Variants in FUT9 observed in about 807,000 individuals in gnomAD.
FUT9 encodes 4-galactosyl-N-acetylglucosaminide 3-alpha-L-fucosyltransferase 9.
A neutral mutation model predicts 29.7 loss-of-function variants in FUT9; 15 were observed. The ratio of observed to expected loss-of-function variants is 0.51; its 90% CI spans 0.34 to 0.78. The LOEUF (loss-of-function observed/expected upper bound fraction) is 0.78. Ranked by LOEUF, FUT9 falls within the 30% of genes least tolerant of loss-of-function variation. The probability of loss-of-function intolerance (pLI) is 0.01; values close to 1 mark genes in which losing one functional copy is unlikely to be tolerated. For synonymous variants in FUT9, 169 were observed against 153.7 expected (o/e 1.10, Z -0.74); for missense variants, 319 against 425.4 (o/e 0.75, Z 2.20).
intron 1 of FUT9, among the ~76,000 whole-genome samples, chr6:96,022,148 T>C (rs559555985): frequency 2.2e-4 from 34 of 152,144 alleles, no homozygotes; most frequent in Admixed American, 4.6e-4. Flanking sequence ...CTACAAGACA[T>C]AGGTGTTAGT....
At position 96,178,108 on chromosome 6, in the gene FUT9, G is replaced by C. The variant is rs186146425; in HGVS notation, c.-8-25040G>C. 1.1e-3 allele frequency among the ~76,000 whole-genome samples: 169 copies of C among 152,248 alleles called. 1 individual carries two copies. The highest frequency in any genetic ancestry group is 4.0e-3 in the African/African-American group (165 of 41,546). On this transcript the variant is annotated intron_variant, in intron 2 of 2. Coordinates refer to ENST00000302103, the MANE Select transcript of FUT9 (RefSeq NM_006581.4). The stretch of plus-strand genomic sequence containing the variant: ...ATGATGCCAGACTTTGCTGGGTGCA[G>C]AGGCCCAGAACATAATGGCAGTGTT...
chr6:96,020,997 C>G (rs1464951816), intron 1 of FUT9: 4 of 151,956 alleles, frequency 2.6e-5, no homozygotes, highest in African/African-American at 9.7e-5. Context: ...AAGCTCTGAC[C>G]TCAAGCAGCT....
At chr6:96,065,290 T>C (rs555434032) in intron 1 of FUT9, among the ~76,000 whole-genome samples, 1 of 152,294 alleles carries the variant, frequency 6.6e-6, no homozygotes, top group African/African-American at 2.4e-5. Flanking sequence ...AGTTGTTCAG[T>C]ATGAATGTTT....
chr6:96,137,008 C>CT (rs1276643203), intron 2 of FUT9, among the ~76,000 whole-genome samples: 1 of 151,886 alleles, frequency 6.6e-6, no homozygotes, highest in Non-Finnish European at 1.5e-5. Flanking sequence ...ATTTATAAAT[C>CT]TTTGACATTT....
intron 1 of FUT9, among the ~76,000 whole-genome samples, chr6:96,091,599 A>G (rs1207290324): frequency 2.6e-5 from 4 of 152,090 alleles, no homozygotes; most frequent in African/African-American, 9.7e-5. Context: ...GAACATTTTG[A>G]AATATATAGC....
At chr6:96,166,337 A>G (rs566267039) in intron 2 of FUT9, among the ~76,000 whole-genome samples, 1 of 152,208 alleles carries the variant, frequency 6.6e-6, no homozygotes, top group Non-Finnish European at 1.5e-5. Flanking sequence ...CAGTTGTTCA[A>G]ACATTATCTT....
intron 1 of FUT9, among the ~76,000 whole-genome samples, chr6:96,080,970 A>G (rs1771226017): frequency 6.6e-6 from 1 of 151,970 alleles, no homozygotes; most frequent in Non-Finnish European, 1.5e-5. Context: ...TTATAATATC[A>G]CATTTTCATT....
In FUT9 at chr6:96,099,027, A is replaced by T. The variant is rs145699192; in HGVS notation, c.-97-15012A>T. 3.0e-4 allele frequency among the ~76,000 whole-genome samples: 45 copies of T among 152,234 alleles called. No homozygotes were observed. The East Asian group carries it at 7.7e-3, about 26-fold the overall frequency. ...AGTACTGTGAAGTCCTTGAAGAATT[A>T]ATCTGTGCATCCTTTATCTCTGTAT... On this transcript the variant is annotated intron_variant, in intron 1 of 2. Transcript: ENST00000302103.
At chr6:96,061,382 CTCT>C (rs1416711244) in intron 1 of FUT9, among the ~76,000 whole-genome samples, 1 of 150,382 alleles carries the variant, frequency 6.6e-6, no homozygotes, top group East Asian at 2.0e-4. Context: ...ATTAAGTCTT[CTCT>C]TCTTTATTTG....
At chr6:96,126,254 G>A (rs1227391555) in intron 2 of FUT9, among the ~76,000 whole-genome samples, 1 of 152,200 alleles carries the variant, frequency 6.6e-6, no homozygotes, top group Non-Finnish European at 1.5e-5. Flanking sequence ...AGCTTCTGGT[G>A]AGGTCTCAGG....
At chr6:96,064,359 A>C (rs9390810) in intron 1 of FUT9, among the ~76,000 whole-genome samples, 84,234 of 151,886 alleles carry the variant, frequency 0.55, 23,478 homozygotes, top group South Asian at 0.64. Flanking sequence ...GTAATGGATC[A>C]TGTGGAAAAT....
intron 1 of FUT9, among the ~76,000 whole-genome samples, chr6:96,071,209 G>A (rs147413607): frequency 1.3e-5 from 2 of 152,304 alleles, no homozygotes; most frequent in African/African-American, 4.8e-5. Context: ...TGTGTCTGCA[G>A]TTGGAAATTG....
chr6:96,126,639 G>T (rs370242086), intron 2 of FUT9, among the ~76,000 whole-genome samples: 21 of 152,296 alleles, frequency 1.4e-4, no homozygotes, highest in African/African-American at 5.1e-4. Context: ...TAAGGCAAAG[G>T]ATTCTCTGCC....
At chr6:96,085,448 G>C (rs904404389) in intron 1 of FUT9, among the ~76,000 whole-genome samples, 6 of 152,164 alleles carry the variant, frequency 3.9e-5, no homozygotes, top group African/African-American at 1.2e-4. Flanking sequence ...CCCAAGCGTA[G>C]AGCACTCACA....
At chr6:96,071,248 C>G (rs75705587) in intron 1 of FUT9, among the ~76,000 whole-genome samples, 4,874 of 152,236 alleles carry the variant, frequency 0.032, 281 homozygotes, top group African/African-American at 0.11. Flanking sequence ...TGTTCTGCAG[C>G]AGCAGTCATT....
intron 1 of FUT9, among the ~76,000 whole-genome samples, chr6:96,025,277 C>A (rs1050460200): frequency 2.0e-5 from 3 of 151,698 alleles, no homozygotes; most frequent in Admixed American, 2.0e-4. Context: ...AATTCTCAGA[C>A]AAGGAACTCG....
At chr6:96,187,202 T>C (rs763890970) in intron 2 of FUT9, among the ~76,000 whole-genome samples, 4 of 152,124 alleles carry the variant, frequency 2.6e-5, no homozygotes, top group Non-Finnish European at 5.9e-5. Flanking sequence ...GCCTCTATCA[T>C]TAGCAGATAG....
intron 2 of FUT9, among the ~76,000 whole-genome samples, chr6:96,202,892 G>GA (rs992371554): frequency 1.3e-5 from 2 of 152,012 alleles, no homozygotes; most frequent in Non-Finnish European, 2.9e-5. Context: ...GGATAGCATT[G>GA]AAAAAAACGT....
Position 96,214,288 on chromosome 6 carries a change from CTG to C in FUT9, c.*10054_*10055del, listed in dbSNP as rs1773995458. 1 of 166,826 alleles carries C rather than the reference CTG, an allele frequency of 6.0e-6. No individual in the cohort carries two copies. The highest frequency in any genetic ancestry group is 2.4e-5 in the African/African-American group (1 of 41,434). The allele number at this position is 166,826 out of a possible 1,614,324, so 10.3% of individuals were successfully genotyped here. On this transcript the variant is annotated 3_prime_UTR_variant, in exon 3 of 3. Coordinates refer to ENST00000302103, the MANE Select transcript of FUT9 (RefSeq NM_006581.4). Reference sequence around the variant, plus strand: ...AATATTCTGGCAGCTTTTTCTATAACTGAGAATGGTATATCTTTTTATACACT... The same window carrying C: ...AATATTCTGGCAGCTTTTTCTATAACAGAATGGTATATCTTTTTATACACT...
Sources: gnomAD v4.1 joint callset for allele counts (sites outside exome capture counted in the v4.1 genomes callset) on GRCh38, gnomAD v4.1.1 for gene constraint, MANE v1.5 for transcripts, NCBI Gene and HGNC (gene_info 2026-07-23, HGNC 2026-07-21) for gene names.